Variants in NAPA observed in about 807,000 individuals in gnomAD.
NAPA encodes alpha-soluble NSF attachment protein.
In NAPA, 18 loss-of-function variants were observed where a neutral mutation model predicts 48.0. The ratio of observed to expected loss-of-function variants is 0.38; its 90% confidence interval spans 0.26 to 0.56. The LOEUF (loss-of-function observed/expected upper bound fraction) is 0.56. Among genes scored for constraint, NAPA ranks in the 20% least tolerant of loss-of-function variants. The pLI is 0.77. For synonymous variants in NAPA, 152 were observed against 149.9 expected (o/e 1.01, Z -0.10); for missense variants, 315 against 385.0 (o/e 0.82, Z 1.52).
At chr19:47,490,151 CGGTGTGTGTGTGG>C (rs1568462729) in intron 9 of NAPA, among the ~76,000 whole-genome samples, 1 of 119,900 alleles carries the variant, frequency 8.3e-6, no homozygotes, top group Non-Finnish European at 1.7e-5. Context: ...GTGGTGTGTT[CGGTGTGTGTGTGG>C]GGTGTGTGTG....
chr19:47,500,796 C>T (rs776908990), intron 2 of NAPA, 47 bp from the exon 3 acceptor site: 1 of 1,420,820 alleles, frequency 7.0e-7, no homozygotes, highest in Non-Finnish European at 9.6e-7. Flanking sequence ...GGGCTCCACA[C>T]TTTATGAAGC....
chr19:47,514,762 T>G, intron 1 of NAPA, 81 bp downstream of exon 1: 1 of 1,371,020 alleles, frequency 7.3e-7, no homozygotes, highest in Admixed American at 1.9e-5. Context: ...GAGCTCTGCG[T>G]GCCCTAACCC....
At chr19:47,490,074 T>C (rs955466854) in intron 9 of NAPA, among the ~76,000 whole-genome samples, 1 of 142,960 alleles carries the variant, frequency 7.0e-6, no homozygotes, top group African/African-American at 2.6e-5. Context: ...TGTGTGTGTG[T>C]GGTGTGTGTG....
intron 1 of NAPA, among the ~76,000 whole-genome samples, chr19:47,509,396 G>C (rs1968762278): frequency 6.6e-6 from 1 of 152,070 alleles, no homozygotes. Context: ...TAGTCAGACA[G>C]GCCTGGCCTC....
intron 2 of NAPA, among the ~76,000 whole-genome samples, chr19:47,502,176 G>T (rs1968591235): frequency 6.8e-6 from 1 of 147,182 alleles, no homozygotes; most frequent in African/African-American, 2.5e-5. Flanking sequence ...GGGAGGCGGA[G>T]GTTGCAGTGA....
chr19:47,486,777 T>G (rs1968088911), downstream of NAPA, among the ~76,000 whole-genome samples: 1 of 152,228 alleles, frequency 6.6e-6, no homozygotes, highest in South Asian at 2.1e-4. Flanking sequence ...ATCAGTGGAC[T>G]GGAGCTGTGG....
At chr19:47,487,358 C>T (rs1409128571), downstream of NAPA, among the ~76,000 whole-genome samples, 3 of 152,222 alleles carry the variant, frequency 2.0e-5, no homozygotes, top group Non-Finnish European at 4.4e-5. Context: ...GGCATCACCA[C>T]CGTGCATCCC....
intron 7 of NAPA, chr19:47,492,721 G>T (rs1468276059): frequency 3.0e-6 from 2 of 666,604 alleles, no homozygotes; most frequent in African/African-American, 3.5e-5. Context: ...GCTCTGCGAG[G>T]GGTGTGGGAG....
chr19:47,492,439 G>A (rs956734709), intron 7 of NAPA: 16 of 430,926 alleles, frequency 3.7e-5, no homozygotes, highest in South Asian at 1.6e-4. Context: ...CTGGCATGGC[G>A]GTGGGCAGAG....
chr19:47,490,641 ATGG>A, intron 9 of NAPA, 144 bp downstream of exon 9: 1 of 620,296 alleles, frequency 1.6e-6, no homozygotes, highest in East Asian at 3.4e-5. Context: ...GGAGACTCAA[ATGG>A]CCAAACAAAA....
At chr19:47,492,463 T>C (rs571034870) in intron 7 of NAPA, 6,282 of 397,758 alleles carry the variant, frequency 0.016, 96 homozygotes, top group Middle Eastern at 0.047. Context: ...CGGCAGGCGG[T>C]GGGAACATGA....
chr19:47,504,637 AT>A (rs989298255), intron 1 of NAPA, among the ~76,000 whole-genome samples: 22 of 151,972 alleles, frequency 1.4e-4, no homozygotes, highest in South Asian at 4.2e-4. Flanking sequence ...GAGAAAAAAA[AT>A]ATATACATAT....
chr19:47,485,699 G>A (rs1319289348), downstream of NAPA, among the ~76,000 whole-genome samples: 1 of 152,214 alleles, frequency 6.6e-6, no homozygotes, highest in Non-Finnish European at 1.5e-5. Flanking sequence ...TTACATGATG[G>A]AAAGTTCTCA....
intron 1 of NAPA, among the ~76,000 whole-genome samples, chr19:47,513,566 G>C (rs954116821): frequency 6.6e-6 from 1 of 152,130 alleles, no homozygotes; most frequent in African/African-American, 2.4e-5. Flanking sequence ...CAGGATGGTC[G>C]TGTCAGCTTT....
Position 47,514,967 on chromosome 19 carries a change from C to G in NAPA, c.-27G>C, listed in dbSNP as rs1354511447. ...GCGGCCACAAAGGGACTCAGCAAAG[C>G]GCCTGACCCTGACCCTGGGAAGACT... On this transcript the variant is annotated 5_prime_UTR_variant, in exon 1 of 11. Coordinates refer to ENST00000263354, the MANE Select transcript of NAPA (RefSeq NM_003827.4). The G allele has an allele frequency of 1.2e-6, 2 of 1,608,560 alleles. No individual in the cohort carries two copies. Among genetic ancestry groups the G allele is most frequent in the East Asian group, 2.2e-5 (1 of 44,764 alleles).
In NAPA at chr19:47,490,873, G is replaced by A; in HGVS notation, c.667-17C>T. On this transcript the variant is annotated splice_polypyrimidine_tract_variant and intron_variant, in intron 8 of 10. Coordinates refer to ENST00000263354, the MANE Select transcript of NAPA (RefSeq NM_003827.4). ...GACAGCCAGCTGGGCAGCAGGGAAG[G>A]GAGAAGATGAGTTAGTAACAAGAGG... 6.2e-7 allele frequency: 1 copy of A among 1,611,916 alleles called. No individual in the cohort carries two copies. Among genetic ancestry groups the A allele is most frequent in the Non-Finnish European group, 8.5e-7 (1 of 1,178,608 alleles).
At chr19:47,501,675 C>G (rs758333408) in intron 2 of NAPA, 18 of 152,398 alleles carry the variant, frequency 1.2e-4, no homozygotes, top group Non-Finnish European at 2.2e-4. Flanking sequence ...CGGTCAGCTT[C>G]TGTGGGTCCC....
chr19:47,495,511 T>C (rs1405847976), intron 4 of NAPA, 39 bp downstream of exon 4: 2 of 1,608,366 alleles, frequency 1.2e-6, no homozygotes, highest in Non-Finnish European at 1.7e-6. Context: ...GGCAATGCAG[T>C]GGGACCCGGG....
At chr19:47,488,523 T>C in intron 10 of NAPA, 134 bp from the exon 11 acceptor site, 1 of 617,584 alleles carries the variant, frequency 1.6e-6, no homozygotes, top group Middle Eastern at 2.6e-4. Context: ...GAGGGAGGGC[T>C]TGAGGCCCCA....
Sources: allele counts gnomAD v4.1 joint callset (sites outside exome capture counted in the v4.1 genomes callset), GRCh38; gene constraint gnomAD v4.1.1; transcripts MANE v1.5; gene names NCBI Gene and HGNC (gene_info 2026-07-23, HGNC 2026-07-21).